Variants in PHACTR1 observed in about 807,000 individuals in gnomAD.
The protein encoded by PHACTR1 is phosphatase and actin regulator 1.
Under a neutral mutation model 69.2 loss-of-function variants are expected in PHACTR1, and 16 were observed. The observed-to-expected ratio is 0.23, with a 90% CI of 0.16 to 0.35. The LOEUF (loss-of-function observed/expected upper bound fraction) is 0.35, where lower values mean the gene tolerates loss of function less well. Among genes scored for constraint, PHACTR1 ranks in the 10% least tolerant of loss-of-function variants. PHACTR1 has a pLI of 1.00. For missense variants in PHACTR1, 510 were observed against 734.7 expected (o/e 0.69, Z 3.54); for synonymous variants, 312 against 284.5 (o/e 1.10, Z -0.97).
intron 4 of PHACTR1, among the ~76,000 whole-genome samples, chr6:12,757,799 A>G (rs1408322696): frequency 2.0e-5 from 3 of 152,160 alleles, no homozygotes; most frequent in Non-Finnish European, 4.4e-5. Flanking sequence ...TCTATCAGAC[A>G]TCCAAGTGGC....
intron 3 of PHACTR1, among the ~76,000 whole-genome samples, chr6:12,725,646 G>A (rs534039387): frequency 3.3e-5 from 5 of 152,324 alleles, no homozygotes; most frequent in African/African-American, 1.2e-4. Flanking sequence ...AGTGAGGTAT[G>A]CCTATAAAGT....
intron 4 of PHACTR1, among the ~76,000 whole-genome samples, chr6:12,779,632 G>A (rs1419155437): frequency 5.9e-5 from 9 of 152,216 alleles, no homozygotes; most frequent in Admixed American, 3.3e-4. Context: ...CCCATTTGGT[G>A]TAATTGACCA....
intron 4 of PHACTR1, among the ~76,000 whole-genome samples, chr6:12,833,322 G>A (rs1261285954): frequency 2.6e-5 from 4 of 151,036 alleles, no homozygotes; most frequent in Admixed American, 6.6e-5. Context: ...GCAGTGGTGC[G>A]ATCTCAGCTC....
chr6:13,071,206 C>G (rs1309692054), intron 5 of PHACTR1, among the ~76,000 whole-genome samples: 2 of 152,050 alleles, frequency 1.3e-5, no homozygotes, highest in Non-Finnish European at 2.9e-5. Context: ...GCAAGCAGAT[C>G]ACCTGAGGTC....
chr6:13,274,693 G>A (rs962234772), intron 11 of PHACTR1: 2 of 152,208 alleles, frequency 1.3e-5, no homozygotes, highest in Non-Finnish European at 2.9e-5. Flanking sequence ...GATCCCCGCT[G>A]TGGCTTGTCC....
intron 4 of PHACTR1, among the ~76,000 whole-genome samples, chr6:12,752,506 T>A (rs1031258666): frequency 1.3e-5 from 2 of 152,256 alleles, no homozygotes; most frequent in African/African-American, 4.8e-5. Flanking sequence ...AAACTATTTA[T>A]GTTTAATATT....
chr6:12,781,278 C>G (rs889136158), intron 4 of PHACTR1, among the ~76,000 whole-genome samples: 1 of 152,128 alleles, frequency 6.6e-6, no homozygotes, highest in African/African-American at 2.4e-5. Context: ...GTCCCCTGTT[C>G]TGTGATAACT....
chr6:13,283,304 G>T lies in PHACTR1; in HGVS notation c.1510-118G>T. The T allele has an allele frequency of 7.3e-6, 4 of 546,274 alleles. No individual in the cohort carries two copies. The highest frequency in any genetic ancestry group is 1.3e-5 in the Non-Finnish European group (4 of 316,466). The allele number at this position is 546,274 out of a possible 1,614,324, so 33.8% of individuals were successfully genotyped here. On this transcript the variant is annotated intron_variant, in intron 12 of 14. Transcript: ENST00000332995. The surrounding 1 kb of genome is among the most constrained non-coding windows in gnomAD (Gnocchi z 4.7). ...CCTGCCCCTGCCCCTCACTCACTATGCGATGCATCCATCGCCTCACTGAAC... is the reference window on the plus strand; with the variant it reads ...CCTGCCCCTGCCCCTCACTCACTATTCGATGCATCCATCGCCTCACTGAAC...
intron 4 of PHACTR1, among the ~76,000 whole-genome samples, chr6:12,966,768 T>G (rs535360732): frequency 1.3e-5 from 2 of 152,316 alleles, no homozygotes; most frequent in Non-Finnish European, 2.9e-5. Flanking sequence ...ATTGTGCTGT[T>G]TAGTAAAAAT....
At chr6:13,088,911 A>G (rs1212168127) in intron 5 of PHACTR1, among the ~76,000 whole-genome samples, 2 of 152,206 alleles carry the variant, frequency 1.3e-5, no homozygotes, top group Non-Finnish European at 2.9e-5. Flanking sequence ...TGAGCCTAAT[A>G]GACAGTCTTG....
chr6:13,004,881 A>G (rs2127632351), intron 4 of PHACTR1, among the ~76,000 whole-genome samples: 1 of 152,294 alleles, frequency 6.6e-6, no homozygotes, highest in African/African-American at 2.4e-5. Context: ...CAAACCTTGT[A>G]ACCATTGTAA....
chr6:12,839,129 G>T (rs1463881015), intron 4 of PHACTR1, among the ~76,000 whole-genome samples: 1 of 152,194 alleles, frequency 6.6e-6, no homozygotes, highest in Non-Finnish European at 1.5e-5. Context: ...GCAAGTAGCA[G>T]GGCCTGGATT....
At chr6:12,912,596 A>G (rs987687899) in intron 4 of PHACTR1, among the ~76,000 whole-genome samples, 7 of 152,176 alleles carry the variant, frequency 4.6e-5, no homozygotes, top group South Asian at 2.1e-4. Flanking sequence ...CCCTGATAGC[A>G]TACCTTTGCT....
Position 12,931,962 on chromosome 6 carries a change from G to T in PHACTR1, c.251-121403G>T, listed in dbSNP as rs534800290. 4.0e-5 allele frequency among the ~76,000 whole-genome samples: 6 copies of T among 151,738 alleles called. No homozygotes were observed. The South Asian group carries it at 1.3e-3, about 32-fold the overall frequency. On this transcript the variant is annotated intron_variant, in intron 4 of 14. Transcript: ENST00000332995. ...ATAGACCGGTGGTTCCAAGAGTATGGTCCCAGACCAGCTGTATCAGCATCA... is the reference window on the plus strand; with the variant it reads ...ATAGACCGGTGGTTCCAAGAGTATGTTCCCAGACCAGCTGTATCAGCATCA...
intron 4 of PHACTR1, among the ~76,000 whole-genome samples, chr6:12,946,246 C>T (rs1481495256): frequency 6.6e-6 from 1 of 151,662 alleles, no homozygotes; most frequent in Non-Finnish European, 1.5e-5. Context: ...AATGTGGCAT[C>T]AGGGAGGGAT....
chr6:13,031,603 GGAT>G (rs1802463113), intron 4 of PHACTR1, among the ~76,000 whole-genome samples: 1 of 139,164 alleles, frequency 7.2e-6, no homozygotes, highest in Admixed American at 7.6e-5. Context: ...GGCTGGGAAG[GGAT>G]GACTTTTTAG....
At chr6:12,978,453 C>T (rs1795139982) in intron 4 of PHACTR1, among the ~76,000 whole-genome samples, 1 of 152,198 alleles carries the variant, frequency 6.6e-6, no homozygotes, top group African/African-American at 2.4e-5. Flanking sequence ...CGCCTACCTC[C>T]ATGCCTGCTG....
At chr6:12,754,264 C>T (rs1007116989) in intron 4 of PHACTR1, among the ~76,000 whole-genome samples, 6 of 151,536 alleles carry the variant, frequency 4.0e-5, no homozygotes, top group Non-Finnish European at 8.8e-5. Flanking sequence ...TGAGCCAGTG[C>T]GCCTGGGCTG....
intron 5 of PHACTR1, among the ~76,000 whole-genome samples, chr6:13,157,035 T>G (rs1758283484): frequency 6.6e-6 from 1 of 152,226 alleles, no homozygotes; most frequent in African/African-American, 2.4e-5. Flanking sequence ...GCTGTTCATT[T>G]CTTCCCATTG....
Sources: allele counts gnomAD v4.1 joint callset (sites outside exome capture counted in the v4.1 genomes callset), GRCh38; gene constraint gnomAD v4.1.1; non-coding constraint Gnocchi (gnomAD v3.1); transcripts MANE v1.5; gene names NCBI Gene and HGNC (gene_info 2026-07-23, HGNC 2026-07-21).